Variants in LAYN observed in about 807,000 individuals in gnomAD.
LAYN encodes layilin.
A neutral mutation model predicts 43.6 loss-of-function variants in LAYN; 38 were observed. That is an observed-to-expected ratio of 0.87 (90% CI 0.67 to 1.14). The LOEUF (loss-of-function observed/expected upper bound fraction) is 1.14. LAYN is among the 50% of genes most tolerant of loss of function. The pLI is 0.00. For synonymous variants in LAYN, 168 were observed against 172.9 expected, an observed-to-expected ratio of 0.97 and a Z score of 0.22; for missense variants, 479 against 463.8, an observed-to-expected ratio of 1.03 and a Z score of -0.30.
At chr11:111,552,538 C>T (rs977669766) in intron 3 of LAYN, among the ~76,000 whole-genome samples, 3 of 152,238 alleles carry the variant, frequency 2.0e-5, no homozygotes, top group Non-Finnish European at 4.4e-5. Context: ...CTAGCCATAG[C>T]TGAACACTTG....
At chr11:111,554,320 C>T (rs557978064) in intron 3 of LAYN, among the ~76,000 whole-genome samples, 8 of 151,970 alleles carry the variant, frequency 5.3e-5, no homozygotes, top group Admixed American at 3.3e-4. Flanking sequence ...CATATTTAAA[C>T]GTTTTTAAAT....
chr11:111,560,737 T>G lies in LAYN; in HGVS notation c.*279T>G. The G allele has an allele frequency of 2.7e-6, 1 of 375,238 alleles. No individual in the cohort carries two copies. The highest frequency in any genetic ancestry group is 4.9e-6 in the Non-Finnish European group (1 of 205,382). The allele number at this position is 375,238 out of a possible 1,614,324, so 23.2% of individuals were successfully genotyped here. A position where few individuals can be genotyped will look rare whatever the true frequency, so the allele number is the denominator to read the frequency against. On this transcript the variant is annotated 3_prime_UTR_variant, in exon 7 of 7. Coordinates refer to ENST00000375614, the MANE Select transcript of LAYN (RefSeq NM_178834.5). ...TGTCACTTGGTTGGTTGTATCTAAC[T>G]TTTAAGGGACAGAGCTTTACCTGGC...
intron 6 of LAYN, among the ~76,000 whole-genome samples, chr11:111,559,145 A>G (rs1197402226): frequency 1.3e-5 from 2 of 152,224 alleles, no homozygotes; most frequent in Admixed American, 1.3e-4. Flanking sequence ...AAGCAATCAT[A>G]CTGTTATATA....
intron 6 of LAYN, among the ~76,000 whole-genome samples, chr11:111,558,880 C>T (rs1237567934): frequency 2.6e-5 from 4 of 151,700 alleles, no homozygotes; most frequent in Non-Finnish European, 5.9e-5. Context: ...CTCCGCCTCC[C>T]GGGTTCAAGT....
chr11:111,560,463 T>C lies in LAYN; in HGVS notation c.*5T>C. The C allele has an allele frequency of 6.3e-7, 1 of 1,589,722 alleles. No individual in the cohort carries two copies. The highest frequency in any genetic ancestry group is 1.1e-5 in the South Asian group (1 of 86,992). ...AATGAAATATATGGTTATTAGGACA[T>C]ATAAAAAACTGAAACTGACAACAAT... On this transcript the variant is annotated 3_prime_UTR_variant, in exon 7 of 7. Coordinates refer to ENST00000375614, the MANE Select transcript of LAYN (RefSeq NM_178834.5).
chr11:111,546,169 G>A (rs545007217), intron 2 of LAYN, among the ~76,000 whole-genome samples: 1 of 152,238 alleles, frequency 6.6e-6, no homozygotes, highest in African/African-American at 2.4e-5. Flanking sequence ...CTTCTAAGTA[G>A]ATGTTTCCTG....
chr11:111,553,248 T>C (rs868210133), intron 3 of LAYN, among the ~76,000 whole-genome samples: 10 of 150,928 alleles, frequency 6.6e-5, no homozygotes, highest in South Asian at 2.1e-4. Flanking sequence ...ATCTCAAAAA[T>C]AAATAAATAA....
chr11:111,544,184 T>C lies in LAYN; in HGVS notation c.347T>C (p.Leu116Pro). Residue 116 changes from leucine (L) to proline (P), a missense_variant, in exon 2 of 7, where the codon CTT (leucine) becomes CCT (proline). Leu to Pro is a moderately conservative substitution (Grantham distance 98). Coordinates refer to ENST00000375614, the MANE Select transcript of LAYN (RefSeq NM_178834.5). ...KQSNSTACQD[L>P]YAWTDGSISQ... The stretch of plus-strand genomic sequence containing the variant: ...AGCAATAGCACAGCCTGCCAGGACC[T>C]TTATGCTTGGACTGATGGCAGCATA... 1 of 1,614,140 alleles carries C rather than the reference T, an allele frequency of 6.2e-7. No individual in the cohort carries two copies. The highest frequency in any genetic ancestry group is 8.5e-7 in the Non-Finnish European group (1 of 1,180,006).
At position 111,544,067 on chromosome 11, in the gene LAYN, A is replaced by T; in HGVS notation, c.230A>T (p.Asp77Val). ...GGQLVSIESE[D>V]EQKLIEKFIE... is the part of the protein sequence containing the mutation. ...CAGCTAGTCAGCATCGAGTCTGAAGATGAACAGAAACTGATAGAAAAGTTC... is the reference window on the plus strand; with the variant it reads ...CAGCTAGTCAGCATCGAGTCTGAAGTTGAACAGAAACTGATAGAAAAGTTC... Residue 77 changes from aspartate to valine, a missense_variant, in exon 2 of 7, where the codon GAT (aspartate) becomes GTT (valine). Physicochemically the swap from Asp to Val is radical, Grantham distance 152. Transcript: ENST00000375614. 5 of 1,614,182 alleles carry T rather than the reference A, an allele frequency of 3.1e-6. No homozygotes were observed. The highest frequency in any genetic ancestry group is 4.2e-6 in the Non-Finnish European group (5 of 1,180,036).
chr11:111,547,729 G>A (rs1200478841), intron 2 of LAYN, among the ~76,000 whole-genome samples: 1 of 152,198 alleles, frequency 6.6e-6, no homozygotes, highest in Non-Finnish European at 1.5e-5. Context: ...CAAGACTAGT[G>A]AATTAACTAG....
intron 6 of LAYN, 135 bp from the exon 7 acceptor site, chr11:111,559,960 G>A (rs1867921830): frequency 2.0e-6 from 2 of 982,574 alleles, no homozygotes; most frequent in East Asian, 2.4e-5. Context: ...CGAAGCCCTG[G>A]CCTGTAAGTT....
chr11:111,541,289 C>T, intron 1 of LAYN: 1 of 601,522 alleles, frequency 1.7e-6, no homozygotes, highest in Non-Finnish European at 3.0e-6. Flanking sequence ...TCCTTGGGAC[C>T]ACCCCCGCGG....
At chr11:111,543,550 C>T (rs1867586183) in intron 1 of LAYN, among the ~76,000 whole-genome samples, 2 of 152,254 alleles carry the variant, frequency 1.3e-5, no homozygotes, top group Non-Finnish European at 2.9e-5. Flanking sequence ...GAGACACCCC[C>T]TTTAAGCCAC....
chr11:111,550,830 C>T (rs925157738), intron 3 of LAYN, among the ~76,000 whole-genome samples: 3 of 152,144 alleles, frequency 2.0e-5, no homozygotes, highest in African/African-American at 7.2e-5. Context: ...TTAATAGCTC[C>T]ATGGTTTAAA....
At chr11:111,559,004 T>G (rs1257292296) in intron 6 of LAYN, among the ~76,000 whole-genome samples, 1 of 151,960 alleles carries the variant, frequency 6.6e-6, no homozygotes, top group East Asian at 1.9e-4. Context: ...CAGGCTGGTC[T>G]CGAACTCCTG....
chr11:111,556,952 T>C (rs1384041205), intron 5 of LAYN, among the ~76,000 whole-genome samples: 2 of 152,210 alleles, frequency 1.3e-5, no homozygotes, highest in African/African-American at 4.8e-5. Flanking sequence ...TGAATCTAAT[T>C]GGTCTTAGAA....
chr11:111,540,556 C>A, upstream of LAYN: 1 of 473,864 alleles, frequency 2.1e-6, no homozygotes, highest in Non-Finnish European at 3.7e-6. Flanking sequence ...GGAGCTGGTT[C>A]CCCTCTGCGA....
At position 111,560,544 on chromosome 11, in the gene LAYN, G is replaced by C. The variant is rs1247302805; in HGVS notation, c.*86G>C. 171 of 1,412,128 alleles carry C rather than the reference G, an allele frequency of 1.2e-4. No individual in the cohort carries two copies. In the South Asian group the frequency reaches 2.2e-3, roughly 18 times the overall value. The allele number at this position is 1,412,128 out of a possible 1,614,324, so 87.5% of individuals were successfully genotyped here. A position where few individuals can be genotyped will look rare whatever the true frequency, so the allele number is the denominator to read the frequency against. ...TTTTCTATAAGGAAAATACACAGAAGGTCTATGAACAAGCTTAGATCAGGT... is the reference window on the plus strand; with the variant it reads ...TTTTCTATAAGGAAAATACACAGAACGTCTATGAACAAGCTTAGATCAGGT... On this transcript the variant is annotated 3_prime_UTR_variant, in exon 7 of 7. Coordinates refer to ENST00000375614, the MANE Select transcript of LAYN (RefSeq NM_178834.5).
intron 6 of LAYN, 54 bp from the exon 7 acceptor site, chr11:111,560,041 G>T: frequency 6.5e-7 from 1 of 1,539,158 alleles, no homozygotes; most frequent in Non-Finnish European, 8.7e-7. Context: ...AAGCACAAGG[G>T]TATTCTCAAT....
Sources: gnomAD v4.1 joint callset for allele counts (sites outside exome capture counted in the v4.1 genomes callset) on GRCh38, gnomAD v4.1.1 for gene constraint, MANE v1.5 for transcripts, NCBI Gene and HGNC (gene_info 2026-07-23, HGNC 2026-07-21) for gene names.